Variants in CCDC39 observed in about 807,000 individuals in gnomAD.
CCDC39 encodes the protein coiled-coil domain-containing protein 39.
A neutral mutation model predicts 121.0 loss-of-function variants in CCDC39; 113 were observed. The observed-to-expected ratio is 0.93, with a 90% confidence interval of 0.80 to 1.09. The LOEUF (loss-of-function observed/expected upper bound fraction) is 1.09. CCDC39 is among the 50% of genes least tolerant of loss of function. The pLI is 0.00. For synonymous variants in CCDC39, 349 were observed against 352.2 expected, an observed-to-expected ratio of 0.99 and a Z score of 0.10; for missense variants, 1,063 against 1,074.7, an observed-to-expected ratio of 0.99 and a Z score of 0.15.
At chr3:180,676,913 G>T (rs1220222661) in intron 1 of CCDC39, among the ~76,000 whole-genome samples, 1 of 151,282 alleles carries the variant, frequency 6.6e-6, no homozygotes, top group Non-Finnish European at 1.5e-5. Flanking sequence ...ACCAAACACT[G>T]CATGTTCTCA....
intron 3 of CCDC39, 95 bp downstream of exon 3, chr3:180,661,766 G>T: frequency 9.2e-7 from 1 of 1,083,994 alleles, no homozygotes; most frequent in South Asian, 1.6e-5. Flanking sequence ...ACTAATGTAT[G>T]CCTTTCCCAT....
chr3:180,637,429 CA>C (rs1717856374), intron 13 of CCDC39, among the ~76,000 whole-genome samples: 1 of 152,070 alleles, frequency 6.6e-6, no homozygotes, highest in African/African-American at 2.4e-5. Flanking sequence ...AATAAAATAA[CA>C]GATGCTGGTG....
chr3:180,661,882 C>T lies in CCDC39; in HGVS notation c.336G>A (p.Leu112=). 1 of 1,585,682 alleles carries T rather than the reference C, an allele frequency of 6.3e-7. No individual in the cohort carries two copies. The change falls in exon 3 of 20, where the codon CTG becomes CTA. Residue 112 remains leucine (L), a synonymous_variant. Coordinates refer to ENST00000476379, the MANE Select transcript of CCDC39 (RefSeq NM_181426.2). ...ATACTTCTTTATCACTTTTCTTTTC[C>T]AGTATTGAAGCCATCTCATTTTCCA... The part of the protein sequence containing the change: ...QRLENEMASI[L]EKKSDKENGI...
intron 19 of CCDC39, among the ~76,000 whole-genome samples, chr3:180,615,978 A>G (rs2108403692): frequency 6.6e-6 from 1 of 152,326 alleles, no homozygotes; most frequent in East Asian, 1.9e-4. Flanking sequence ...TCACCCCCAA[A>G]TGCTAGATGT....
At chr3:180,647,954 C>T (rs878906812) in intron 10 of CCDC39, among the ~76,000 whole-genome samples, 1 of 151,926 alleles carries the variant, frequency 6.6e-6, no homozygotes, top group Admixed American at 6.6e-5. Context: ...AGTTCTCTCT[C>T]CTCTTGCCTG....
At chr3:180,631,083 G>C (rs563751701) in intron 14 of CCDC39, among the ~76,000 whole-genome samples, 1 of 152,120 alleles carries the variant, frequency 6.6e-6, no homozygotes, top group East Asian at 1.9e-4. Flanking sequence ...AAAAGATTAC[G>C]AATCTTGCCT....
At chr3:180,667,664 T>C (rs1281332260) in intron 1 of CCDC39, among the ~76,000 whole-genome samples, 4 of 152,110 alleles carry the variant, frequency 2.6e-5, no homozygotes, top group African/African-American at 9.7e-5. Flanking sequence ...TCTCCCTCTT[T>C]TGGGGCCTCT....
At chr3:180,625,789 GT>G (rs1204680657) in intron 14 of CCDC39, among the ~76,000 whole-genome samples, 1 of 151,878 alleles carries the variant, frequency 6.6e-6, no homozygotes, top group Non-Finnish European at 1.5e-5. Context: ...TTAAGGTATG[GT>G]TATTAGTTGA....
At chr3:180,664,034 C>T (rs145352602) in intron 1 of CCDC39, 48 bp from the exon 2 acceptor site, 72 of 1,528,920 alleles carry the variant, frequency 4.7e-5, no homozygotes, top group Non-Finnish European at 6.0e-5. Flanking sequence ...TTAAGTTTTA[C>T]CATATGAAGG....
At chr3:180,647,808 T>TG in intron 10 of CCDC39, among the ~76,000 whole-genome samples, 1 of 151,810 alleles carries the variant, frequency 6.6e-6, no homozygotes, top group East Asian at 1.9e-4. Flanking sequence ...TCTATTAGCA[T>TG]GGGGGTGAGG....
At chr3:180,656,659 G>T (rs1052368681) in intron 6 of CCDC39, among the ~76,000 whole-genome samples, 24 of 152,180 alleles carry the variant, frequency 1.6e-4, no homozygotes, top group African/African-American at 5.3e-4. Context: ...GAGACAGGAG[G>T]TTGGCTCAAG....
intron 11 of CCDC39, among the ~76,000 whole-genome samples, chr3:180,646,448 T>C (rs1207110141): frequency 6.6e-6 from 1 of 152,118 alleles, no homozygotes; most frequent in Non-Finnish European, 1.5e-5. Flanking sequence ...ATCTCACTTT[T>C]ACTCTCTAGT....
At chr3:180,635,980 A>C (rs143518252) in intron 13 of CCDC39, among the ~76,000 whole-genome samples, 4,022 of 152,338 alleles carry the variant, frequency 0.026, 85 homozygotes, top group Non-Finnish European at 0.042. Context: ...CATCTATGAC[A>C]AACCCACAGC....
rs1487275196 is a variant in CCDC39 at position 180,644,194 on chromosome 3, T to C, written c.1591A>G (p.Thr531Ala). ...KNSDEKQSLM[T>A]KINELNLFID... ...AAAAGGTTTAGTTCATTTATTTTGG[T>C]CATAAGGGACTGTTTTTCATCACTG... The change falls in exon 12 of 20, where the codon ACC (threonine) becomes GCC (alanine). Residue 531 changes from threonine (T) to alanine (A), a missense_variant. Transcript: ENST00000476379. The C allele has an allele frequency of 9.7e-6, 15 of 1,546,150 alleles. 1 individual carries two copies. The highest frequency in any genetic ancestry group is 4.1e-5 in the African/African-American group (3 of 72,896).
intron 7 of CCDC39, among the ~76,000 whole-genome samples, chr3:180,653,260 A>T (rs949737745): frequency 1.3e-5 from 2 of 152,202 alleles, no homozygotes; most frequent in East Asian, 1.9e-4. Flanking sequence ...GCAACCTTGT[A>T]CAAAACCCTT....
chr3:180,641,482 T>C (rs541921582), intron 13 of CCDC39, among the ~76,000 whole-genome samples: 15 of 152,150 alleles, frequency 9.9e-5, no homozygotes, highest in African/African-American at 3.6e-4. Context: ...GAAAATAATA[T>C]AAATGAAATA....
intron 1 of CCDC39, among the ~76,000 whole-genome samples, chr3:180,675,317 G>A (rs780269998): frequency 5.9e-5 from 9 of 152,060 alleles, no homozygotes; most frequent in African/African-American, 1.4e-4. Context: ...CCATGGGATC[G>A]GTGGTGATAT....
rs1259447766 is a variant in CCDC39, at chr3:180,615,006, G to A, written c.2741C>T (p.Ser914Phe). Reference sequence around the variant, plus strand: ...AGAAGGGCTGCCTACTAGTGAAGAGGAGGCCGGGAATTTAAGCTCCAGTAC... The same window carrying A: ...AGAAGGGCTGCCTACTAGTGAAGAGAAGGCCGGGAATTTAAGCTCCAGTAC... ...IKVLELKFPA[S>F]SSLVGSPSRP... The change falls in exon 20 of 20, where the codon TCC becomes TTC. Residue 914 changes from serine to phenylalanine, a missense_variant. By Grantham distance (155) the Ser-to-Phe change is radical. Coordinates refer to ENST00000476379, the MANE Select transcript of CCDC39 (RefSeq NM_181426.2). 2 of 1,561,120 alleles carry A rather than the reference G, an allele frequency of 1.3e-6. No homozygotes were observed. The highest frequency in any genetic ancestry group is 1.2e-5 in the South Asian group (1 of 84,596).
intron 14 of CCDC39, among the ~76,000 whole-genome samples, chr3:180,622,497 C>T (rs1304065791): frequency 2.0e-5 from 3 of 152,012 alleles, no homozygotes; most frequent in Non-Finnish European, 2.9e-5. Flanking sequence ...CTAATTCTTA[C>T]GGGAAATGCC....
Sources: gnomAD v4.1 joint callset for allele counts (sites outside exome capture counted in the v4.1 genomes callset) on GRCh38, gnomAD v4.1.1 for gene constraint, MANE v1.5 for transcripts, NCBI Gene and HGNC (gene_info 2026-07-23, HGNC 2026-07-21) for gene names.